FBXL20: variants seen among roughly 807,000 people sequenced by gnomAD.
FBXL20 encodes F-box/LRR-repeat protein 20.
A neutral mutation model predicts 64.0 loss-of-function variants in FBXL20; 11 were observed. The observed-to-expected ratio is 0.17, with a 90% confidence interval of 0.11 to 0.28. The LOEUF (loss-of-function observed/expected upper bound fraction) is 0.28, where lower values mean the gene tolerates loss of function less well. Among genes scored for constraint, FBXL20 ranks in the 10% least tolerant of loss-of-function variants. The pLI is 1.00. For missense variants in FBXL20, 303 were observed against 526.2 expected, an observed-to-expected ratio of 0.58 and a Z score of 4.15; for synonymous variants, 184 against 189.0, an observed-to-expected ratio of 0.97 and a Z score of 0.22.
chr17:39,308,157 T>A (rs557076192), intron 2 of FBXL20, among the ~76,000 whole-genome samples: 1 of 151,146 alleles, frequency 6.6e-6, no homozygotes, highest in Non-Finnish European at 1.5e-5. Context: ...TTTTTTTTTT[T>A]CCTAAAGACA....
At chr17:39,398,594 A>G (rs2048210055) in intron 1 of FBXL20, among the ~76,000 whole-genome samples, 1 of 152,066 alleles carries the variant, frequency 6.6e-6, no homozygotes, top group Non-Finnish European at 1.5e-5. Context: ...TTAAATAGAG[A>G]TTCTTTATTC....
chr17:39,294,126 AAGG>A lies in FBXL20; in HGVS notation c.398+2998_398+3000del, dbSNP rs754993129. ...GGAGGGCAGTTATTGTCACTGTGAG[AAGG>A]AGAAGTCTACTTGGATTTTTTTTTT... On this transcript the variant is annotated intron_variant, in intron 6 of 14. Transcript: ENST00000264658. 4.0e-5 allele frequency among the ~76,000 whole-genome samples: 6 copies of A among 151,882 alleles called. No homozygotes were observed. In the East Asian group the frequency reaches 9.6e-4, roughly 24 times the overall value.
At chr17:39,293,869 ATTTCAGCTAC>A (rs904383224) in intron 6 of FBXL20, among the ~76,000 whole-genome samples, 4 of 151,590 alleles carry the variant, frequency 2.6e-5, no homozygotes, top group African/African-American at 9.7e-5. Context: ...TCAGCCACAA[ATTTCAGCTAC>A]TTTAGCCTCC....
At chr17:39,370,514 C>A (rs111891070) in intron 1 of FBXL20, among the ~76,000 whole-genome samples, 2 of 149,182 alleles carry the variant, frequency 1.3e-5, no homozygotes, top group Non-Finnish European at 3.0e-5. Flanking sequence ...AGGCCGGGCG[C>A]GGTGGCTCAC....
chr17:39,306,963 T>C (rs1172467114), intron 2 of FBXL20, among the ~76,000 whole-genome samples: 1 of 152,162 alleles, frequency 6.6e-6, no homozygotes, highest in African/African-American at 2.4e-5. Flanking sequence ...AATCCCTGAA[T>C]AAAAGCCCAG....
In FBXL20 at chr17:39,270,838, T is replaced by C. The variant is rs1402116778; in HGVS notation, c.846A>G (p.Arg282=). The change falls in exon 11 of 15, where the codon AGA becomes AGG. Residue 282 remains arginine, a synonymous_variant. Coordinates refer to ENST00000264658, the MANE Select transcript of FBXL20 (RefSeq NM_032875.3). ...AGCCCACATCTGTTAATTGAGAACATCTTGCCACTTCCAATATTCTGTTAA... is the reference window on the plus strand; with the variant it reads ...AGCCCACATCTGTTAATTGAGAACACCTTGCCACTTCCAATATTCTGTTAA... The part of the protein sequence containing the change: ...CPRLRILEVA[R]CSQLTDVGFT... 1.9e-6 allele frequency: 3 copies of C among 1,597,226 alleles called. No homozygotes were observed. Among genetic ancestry groups the C allele is most frequent in the Admixed American group, 1.7e-5 (1 of 57,964 alleles).
chr17:39,316,845 C>T (rs549259820), intron 2 of FBXL20, among the ~76,000 whole-genome samples: 2 of 152,290 alleles, frequency 1.3e-5, no homozygotes, highest in East Asian at 1.9e-4. Flanking sequence ...AAAAATGAGC[C>T]GGGCATGGTG....
At chr17:39,293,693 G>A (rs147139453) in intron 6 of FBXL20, among the ~76,000 whole-genome samples, 1 of 152,050 alleles carries the variant, frequency 6.6e-6, no homozygotes, top group African/African-American at 2.4e-5. Flanking sequence ...ATTAAGCCCT[G>A]GAAATTCTTT....
At chr17:39,390,487 G>C (rs1002236639) in intron 1 of FBXL20, among the ~76,000 whole-genome samples, 1 of 151,946 alleles carries the variant, frequency 6.6e-6, no homozygotes, top group African/African-American at 2.4e-5. Flanking sequence ...CTTTAACCTG[G>C]GAGGCAGAGG....
In FBXL20 at chr17:39,299,448, G is replaced by A. The variant is rs528877257; in HGVS notation, c.235-364C>T. On this transcript the variant is annotated intron_variant, in intron 4 of 14. Coordinates refer to ENST00000264658, the MANE Select transcript of FBXL20 (RefSeq NM_032875.3). ...TATCTTTTCCAAAATGTTTATTATA[G>A]TACTCTGCTTATAGTAGAGACTCAA... 1.2e-4 allele frequency among the ~76,000 whole-genome samples: 18 copies of A among 152,184 alleles called. No homozygotes were observed. In the East Asian group the frequency reaches 3.1e-3, roughly 26 times the overall value.
rs1010048664 is a variant in FBXL20 at position 39,338,013 on chromosome 17, G to A, written c.104+5167C>T. ...TGGGAAGTGAGGAGCCCCTCTGCCC[G>A]GCCACCACCCCGTCTGGGAGCTGTA... is the stretch of plus-strand genomic sequence containing the variant. On this transcript the variant is annotated intron_variant, in intron 2 of 14. Coordinates refer to ENST00000264658, the MANE Select transcript of FBXL20 (RefSeq NM_032875.3). Among the ~76,000 whole-genome samples, 157 of 152,238 alleles carry A rather than the reference G, an allele frequency of 1.0e-3. 1 individual carries two copies. The highest frequency in any genetic ancestry group is 1.8e-3 in the Non-Finnish European group (119 of 68,000).
chr17:39,273,842 A>G (rs1254001744), intron 10 of FBXL20, among the ~76,000 whole-genome samples: 2 of 150,128 alleles, frequency 1.3e-5, no homozygotes. Context: ...AAAAGGCGAT[A>G]ATAGTGCTTA....
At chr17:39,397,843 T>C (rs1429213280) in intron 1 of FBXL20, among the ~76,000 whole-genome samples, 1 of 149,364 alleles carries the variant, frequency 6.7e-6, no homozygotes, top group Non-Finnish European at 1.5e-5. Flanking sequence ...AAAAGCAGGA[T>C]GACAGTGGAG....
chr17:39,394,341 C>A (rs1258133120), intron 1 of FBXL20, among the ~76,000 whole-genome samples: 2 of 147,444 alleles, frequency 1.4e-5, no homozygotes. Flanking sequence ...TGCTGTGGCT[C>A]GGCTCACTGC....
intron 2 of FBXL20, among the ~76,000 whole-genome samples, chr17:39,335,260 C>A (rs779924252): frequency 3.3e-5 from 5 of 152,048 alleles, no homozygotes. Context: ...GATCTACCCC[C>A]ACCCCACGAA....
At chr17:39,269,170 C>T (rs1380555784) in intron 11 of FBXL20, among the ~76,000 whole-genome samples, 1 of 152,006 alleles carries the variant, frequency 6.6e-6, no homozygotes, top group African/African-American at 2.4e-5. Context: ...GCCACCACAC[C>T]TGGCTAATTT....
In FBXL20 at chr17:39,332,334, G is replaced by A. The variant is rs559965145; in HGVS notation, c.104+10846C>T. Among the ~76,000 whole-genome samples, 6 of 152,232 alleles carry A rather than the reference G, an allele frequency of 3.9e-5. No homozygotes were observed. The South Asian group carries it at 1.0e-3, about 26-fold the overall frequency. ...TTAGCCCCTGAATGGCACCTAAGCC[G>A]CTGGATTTTGGAAGGGTTCCTACCA... On this transcript the variant is annotated intron_variant, in intron 2 of 14. Coordinates refer to ENST00000264658, the MANE Select transcript of FBXL20 (RefSeq NM_032875.3).
chr17:39,394,279 T>C (rs957407627), intron 1 of FBXL20, among the ~76,000 whole-genome samples: 10 of 81,630 alleles, frequency 1.2e-4, no homozygotes, highest in Admixed American at 2.7e-4. Context: ...TTACTGAAAC[T>C]TTTTTTTTTT....
chr17:39,282,280 C>A (rs2046955781), intron 8 of FBXL20, among the ~76,000 whole-genome samples: 1 of 152,058 alleles, frequency 6.6e-6, no homozygotes, highest in South Asian at 2.1e-4. Flanking sequence ...ATGTGACTGG[C>A]AGGAAATAAG....
Sources: allele counts gnomAD v4.1 joint callset (sites outside exome capture counted in the v4.1 genomes callset), GRCh38; gene constraint gnomAD v4.1.1; transcripts MANE v1.5; gene names NCBI Gene and HGNC (gene_info 2026-07-23, HGNC 2026-07-21).